The following DENND2A variants were observed in gnomAD, a reference collection of about 807,000 sequenced individuals.
The protein encoded by DENND2A is DENN domain containing 2A.
Under a neutral mutation model 105.3 loss-of-function variants are expected in DENND2A, and 53 were observed. The observed-to-expected ratio is 0.50, with a 90% confidence interval of 0.40 to 0.63. DENND2A has a LOEUF of 0.63. DENND2A is among the 30% of genes least tolerant of loss of function. DENND2A has a pLI of 0.00. For missense variants in DENND2A, 1,138 were observed against 1,279.6 expected (o/e 0.89, Z 1.69); for synonymous variants, 522 against 508.4 (o/e 1.03, Z -0.36).
chr7:140,640,163 ACACG>A lies in DENND2A; in HGVS notation c.-248+337_-248+340del. ...CAGACACACAAGCGCGCACACACAC[ACACG>A]CGCGCGCGCGGACACACACACACTC... On this transcript the variant is annotated intron_variant, in intron 1 of 19. Transcript: ENST00000496613. This position sits in a 1 kb window ranked among gnomAD's most constrained non-coding sequence, Gnocchi z 4.9. The A allele has an allele frequency of 6.7e-6, 1 of 149,992 alleles. No homozygotes were observed. Among genetic ancestry groups the A allele is most frequent in the Non-Finnish European group, 1.5e-5 (1 of 68,494 alleles). 9.3% of individuals were successfully genotyped at this position (149,992 alleles called of 1,614,324 possible). A position where few individuals can be genotyped will look rare whatever the true frequency, so the allele number is the denominator to read the frequency against.
At chr7:140,611,649 G>A (rs1376396662) in intron 1 of DENND2A, among the ~76,000 whole-genome samples, 1 of 152,210 alleles carries the variant, frequency 6.6e-6, no homozygotes, top group Non-Finnish European at 1.5e-5. Context: ...AAGGAATGAA[G>A]CACTGTTACA....
chr7:140,583,777 T>G (rs1466310232), intron 5 of DENND2A, among the ~76,000 whole-genome samples: 1 of 147,168 alleles, frequency 6.8e-6, no homozygotes, highest in African/African-American at 2.6e-5. Flanking sequence ...ATACAAAAAA[T>G]TAGCCAGGCG....
At chr7:140,566,032 C>T (rs1251667199) in intron 9 of DENND2A, among the ~76,000 whole-genome samples, 1 of 152,150 alleles carries the variant, frequency 6.6e-6, no homozygotes, top group Non-Finnish European at 1.5e-5. Flanking sequence ...AAATGGGCAA[C>T]CAGCAGCCCT....
chr7:140,624,849 GT>G (rs1371102840), intron 1 of DENND2A, among the ~76,000 whole-genome samples: 2 of 131,260 alleles, frequency 1.5e-5, no homozygotes, highest in Non-Finnish European at 3.2e-5. Context: ...GTTTTTCTTT[GT>G]TTTTTTTGTT....
At chr7:140,536,090 C>T (rs555816953) in intron 14 of DENND2A, among the ~76,000 whole-genome samples, 55 of 152,302 alleles carry the variant, frequency 3.6e-4, no homozygotes, top group African/African-American at 1.0e-3. Flanking sequence ...TGGTGGTTCA[C>T]GCCTATAATC....
At chr7:140,534,692 G>A (rs1420558144) in intron 14 of DENND2A, among the ~76,000 whole-genome samples, 1 of 152,174 alleles carries the variant, frequency 6.6e-6, no homozygotes, top group Non-Finnish European at 1.5e-5. Flanking sequence ...TGGTCAAGAG[G>A]GCTTGCTGCA....
At chr7:140,630,423 G>A (rs926686259) in intron 1 of DENND2A, among the ~76,000 whole-genome samples, 2 of 152,086 alleles carry the variant, frequency 1.3e-5, no homozygotes, top group East Asian at 3.9e-4. Flanking sequence ...ATGCCTAACC[G>A]AGACTTTGGT....
chr7:140,560,002 T>C (rs775048318), intron 9 of DENND2A, among the ~76,000 whole-genome samples, 185 bp from the exon 10 acceptor site: 2 of 152,042 alleles, frequency 1.3e-5, no homozygotes, highest in Non-Finnish European at 2.9e-5. Flanking sequence ...CTTCCAACTA[T>C]AGACCTCTGG....
chr7:140,551,869 T>C (rs1797152644), intron 12 of DENND2A, among the ~76,000 whole-genome samples: 1 of 152,226 alleles, frequency 6.6e-6, no homozygotes, highest in Non-Finnish European at 1.5e-5. Context: ...CCTGAATAAC[T>C]GCTGTGTGGT....
chr7:140,593,353 T>C (rs929813723), intron 3 of DENND2A, among the ~76,000 whole-genome samples: 1 of 152,228 alleles, frequency 6.6e-6, no homozygotes, highest in Non-Finnish European at 1.5e-5. Context: ...AATGATCGTT[T>C]GATATTTGGT....
At chr7:140,534,901 A>G (rs1009207697) in intron 14 of DENND2A, among the ~76,000 whole-genome samples, 2 of 152,136 alleles carry the variant, frequency 1.3e-5, no homozygotes, top group Non-Finnish European at 2.9e-5. Context: ...CTCAGGGTTA[A>G]AAGTTGGGCA....
chr7:140,604,539 G>A (rs76016784), intron 2 of DENND2A, among the ~76,000 whole-genome samples: 4,316 of 152,336 alleles, frequency 0.028, 97 homozygotes, highest in Non-Finnish European at 0.045. Flanking sequence ...TCTCACTGAG[G>A]GTTCAAAAGG....
At position 140,527,817 on chromosome 7, in the gene DENND2A, A is replaced by ATTTAT. The variant is rs539829097; in HGVS notation, c.2328-323_2328-322insATAAA. ...CTATACTCTTGTAAGGTTTTTATTTATTATTTATTTATTTATTTATATTTT... is the reference window on the plus strand; with the variant it reads ...CTATACTCTTGTAAGGTTTTTATTTATTTATTTATTTATTTATTTATTTATATTTT... On this transcript the variant is annotated intron_variant, in intron 14 of 19. Transcript: ENST00000496613. This position sits in a 1 kb window ranked among gnomAD's most constrained non-coding sequence, Gnocchi z 4.9. Among the ~76,000 whole-genome samples the ATTTAT allele has an allele frequency of 4.0e-3, 438 of 109,828 alleles. 5 individuals are homozygous for ATTTAT. Among genetic ancestry groups the ATTTAT allele is most frequent in the African/African-American group, 0.025 (415 of 16,588 alleles). 72.1% of individuals were successfully genotyped at this position (109,828 alleles called of 152,430 possible).
At chr7:140,565,585 T>C (rs1022106478) in intron 9 of DENND2A, among the ~76,000 whole-genome samples, 1 of 152,168 alleles carries the variant, frequency 6.6e-6, no homozygotes, top group Non-Finnish European at 1.5e-5. Context: ...AGTGCCATTT[T>C]ATTTATTTTA....
chr7:140,585,640 GAC>G lies in DENND2A; in HGVS notation c.1192_1193del (p.Val398LeufsTer13), dbSNP rs1381529404. On this transcript the variant is annotated frameshift_variant, in exon 5 of 20. Transcript: ENST00000496613. LOFTEE classifies it high-confidence loss of function. ...LHGRCLGKKC[V>X]LNFPASPTSS... Reference sequence around the variant, plus strand: ...AGGTGGGAGAAGCAGGAAAATTCAAGACACACTTCTTTCCCAGGCAGCGACCA... The same window carrying G: ...AGGTGGGAGAAGCAGGAAAATTCAAGACACTTCTTTCCCAGGCAGCGACCA... 1 of 1,614,144 alleles carries G rather than the reference GAC, an allele frequency of 6.2e-7. No homozygotes were observed. The highest frequency in any genetic ancestry group is 8.5e-7 in the Non-Finnish European group (1 of 1,180,032).
intron 10 of DENND2A, 22 bp from the exon 11 acceptor site, chr7:140,558,234 T>A: frequency 1.9e-6 from 3 of 1,602,174 alleles, no homozygotes; most frequent in Non-Finnish European, 1.7e-6. Flanking sequence ...AAAACACAAA[T>A]GTATCATAAA....
intron 1 of DENND2A, among the ~76,000 whole-genome samples, chr7:140,639,577 T>C (rs894239079): frequency 4.6e-5 from 7 of 152,200 alleles, no homozygotes. Context: ...AAGGGATTTC[T>C]TTCTCTTCTT....
At chr7:140,586,733 T>A (rs899807446) in intron 4 of DENND2A, among the ~76,000 whole-genome samples, 2 of 152,192 alleles carry the variant, frequency 1.3e-5, no homozygotes, top group African/African-American at 2.4e-5. Flanking sequence ...CAGGAGCCCA[T>A]CTCCAGCAGC....
chr7:140,612,496 G>C (rs1031415286), intron 1 of DENND2A, among the ~76,000 whole-genome samples: 6 of 147,238 alleles, frequency 4.1e-5, no homozygotes, highest in Non-Finnish European at 8.9e-5. Flanking sequence ...GATCATATTT[G>C]TTATACTAAT....
Sources: allele counts gnomAD v4.1 joint callset (sites outside exome capture counted in the v4.1 genomes callset), GRCh38; gene constraint gnomAD v4.1.1; non-coding constraint Gnocchi (gnomAD v3.1); transcripts MANE v1.5; gene names NCBI Gene and HGNC (gene_info 2026-07-23, HGNC 2026-07-21).